Variants in PARD3 observed in about 807,000 individuals in gnomAD.
The protein encoded by PARD3 is par-3 family cell polarity regulator, also known as partitioning defective 3 homolog.
Under a neutral mutation model 155.4 loss-of-function variants are expected in PARD3, and 75 were observed. The ratio of observed to expected loss-of-function variants is 0.48; its 90% CI spans 0.40 to 0.58. The LOEUF (loss-of-function observed/expected upper bound fraction) is 0.58. Ranked by LOEUF, PARD3 falls within the 20% of genes least tolerant of loss-of-function variation. PARD3 has a pLI of 0.00. For missense variants in PARD3, 1,642 were observed against 1,721.7 expected, an observed-to-expected ratio of 0.95 and a Z score of 0.82; for synonymous variants, 576 against 610.5, an observed-to-expected ratio of 0.94 and a Z score of 0.83.
chr10:34,344,151 T>G, intron 15 of PARD3: 1 of 983,352 alleles, frequency 1.0e-6, no homozygotes, highest in Non-Finnish European at 1.2e-6. Context: ...CTAAAAAAGT[T>G]GAGAAATAGT....
intron 2 of PARD3, among the ~76,000 whole-genome samples, chr10:34,648,980 A>G (rs1590399093): frequency 6.6e-6 from 1 of 152,132 alleles, no homozygotes; most frequent in Non-Finnish European, 1.5e-5. Flanking sequence ...ATGGCTGTGG[A>G]GCTACGTCTG....
chr10:34,627,581 G>C (rs148389727), intron 2 of PARD3, among the ~76,000 whole-genome samples: 1 of 152,310 alleles, frequency 6.6e-6, no homozygotes, highest in African/African-American at 2.4e-5. Context: ...GAGAAGGCCA[G>C]GTGAAGGTGC....
chr10:34,265,508 T>A (rs368420192), intron 22 of PARD3, among the ~76,000 whole-genome samples: 1 of 152,206 alleles, frequency 6.6e-6, no homozygotes, highest in Non-Finnish European at 1.5e-5. Context: ...GTCAACTGCC[T>A]GCATTCCCAT....
intron 22 of PARD3, among the ~76,000 whole-genome samples, chr10:34,216,228 G>A (rs182252620): frequency 6.6e-6 from 1 of 152,170 alleles, no homozygotes; most frequent in Admixed American, 6.5e-5. Context: ...GCACAAAATT[G>A]AGCAAGTGGG....
At chr10:34,329,635 C>T (rs1281378801) in intron 19 of PARD3, among the ~76,000 whole-genome samples, 1 of 151,904 alleles carries the variant, frequency 6.6e-6, no homozygotes, top group Non-Finnish European at 1.5e-5. Flanking sequence ...CACCAGGAGG[C>T]TGCAACTGGG....
chr10:34,765,511 C>A (rs1293095656), intron 1 of PARD3, among the ~76,000 whole-genome samples: 1 of 152,064 alleles, frequency 6.6e-6, no homozygotes, highest in Non-Finnish European at 1.5e-5. Context: ...AACCCCGTCT[C>A]TACTAAAAAT....
At chr10:34,672,156 G>A (rs2093621858) in intron 2 of PARD3, among the ~76,000 whole-genome samples, 1 of 152,012 alleles carries the variant, frequency 6.6e-6, no homozygotes, top group African/African-American at 2.4e-5. Context: ...TGACAGAGGA[G>A]GATTCTGTTT....
At chr10:34,285,313 ACTTTGGGAGGCTGAGG>A (rs1025727677) in intron 20 of PARD3, among the ~76,000 whole-genome samples, 8 of 152,174 alleles carry the variant, frequency 5.3e-5, no homozygotes, top group Non-Finnish European at 8.8e-5. Context: ...TAATTCTAGC[ACTTTGGGAGGCTGAGG>A]CTTTGGGAGG....
At chr10:34,414,534 C>G (rs530994634) in intron 5 of PARD3, among the ~76,000 whole-genome samples, 1 of 151,910 alleles carries the variant, frequency 6.6e-6, no homozygotes, top group East Asian at 2.0e-4. Flanking sequence ...TAACAACAAT[C>G]TGGCTGGGCG....
At chr10:34,690,196 A>G (rs1356864503) in intron 2 of PARD3, among the ~76,000 whole-genome samples, 1 of 152,178 alleles carries the variant, frequency 6.6e-6, no homozygotes, top group Non-Finnish European at 1.5e-5. Flanking sequence ...TGCCCACCTC[A>G]GCCTCCCAAA....
chr10:34,624,604 C>T (rs1357723340), intron 2 of PARD3, among the ~76,000 whole-genome samples: 1 of 152,182 alleles, frequency 6.6e-6, no homozygotes, highest in Non-Finnish European at 1.5e-5. Context: ...CCAGAAGCCA[C>T]CAGGAGGAGG....
At chr10:34,225,897 G>A (rs763665509) in intron 22 of PARD3, among the ~76,000 whole-genome samples, 8 of 151,986 alleles carry the variant, frequency 5.3e-5, no homozygotes, top group South Asian at 2.1e-4. Flanking sequence ...TGGATTCATC[G>A]AAATTAAAAA....
At position 34,347,979 on chromosome 10, in the gene PARD3, A is replaced by G. The variant is rs1290282416; in HGVS notation, c.2204T>C (p.Leu735Pro). ...LDESPSRNAA[L>P]SRIMGKYQLS... ...ACCTGACTCACCCATTATCCTACTG[A>G]GGGCAGCATTTCTGCTGGGCGATTC... is the stretch of plus-strand genomic sequence containing the variant. The change falls in exon 15 of 25, where the codon CTC becomes CCC. Residue 735 changes from leucine (L) to proline (P), a missense_variant. This residue lies in a region of PARD3 where 1,529 missense variants were observed against 1,587.3 expected (regional missense o/e 0.96). Coordinates refer to ENST00000374788, the MANE Select transcript of PARD3 (RefSeq NM_001184785.2). 1 of 1,612,496 alleles carries G rather than the reference A, an allele frequency of 6.2e-7. No homozygotes were observed. Among genetic ancestry groups the G allele is most frequent in the Admixed American group, 1.7e-5 (1 of 59,866 alleles).
At chr10:34,259,392 C>CT (rs1016977946) in intron 22 of PARD3, among the ~76,000 whole-genome samples, 5 of 152,228 alleles carry the variant, frequency 3.3e-5, no homozygotes, top group African/African-American at 9.6e-5. Flanking sequence ...TGCTTCCTCG[C>CT]TTTTTTTCCA....
chr10:34,339,219 TAGAATAATTTAAAACTTCA>T (rs1399282012), intron 16 of PARD3, among the ~76,000 whole-genome samples: 1 of 152,196 alleles, frequency 6.6e-6, no homozygotes, highest in Non-Finnish European at 1.5e-5. Context: ...TTACCTCTTC[TAGAATAATTTAAAACTTCA>T]ACTCCCTACT....
At chr10:34,548,975 C>T (rs1181105620) in intron 2 of PARD3, among the ~76,000 whole-genome samples, 1 of 152,204 alleles carries the variant, frequency 6.6e-6, no homozygotes, top group Non-Finnish European at 1.5e-5. Context: ...ACAGTGGCTG[C>T]CCCAGCATTT....
intron 2 of PARD3, among the ~76,000 whole-genome samples, chr10:34,588,677 T>C (rs904551888): frequency 2.0e-5 from 3 of 152,156 alleles, no homozygotes; most frequent in Admixed American, 6.6e-5. Flanking sequence ...TGTCTCACTT[T>C]CTCTTGCTGC....
At chr10:34,301,458 G>T (rs1439342255) in intron 20 of PARD3, among the ~76,000 whole-genome samples, 1 of 151,922 alleles carries the variant, frequency 6.6e-6, no homozygotes, top group Non-Finnish European at 1.5e-5. Flanking sequence ...TCCTTCCTCT[G>T]CCCCATTCCT....
intron 4 of PARD3, among the ~76,000 whole-genome samples, chr10:34,457,174 G>T (rs1024070506): frequency 6.6e-6 from 1 of 152,142 alleles, no homozygotes; most frequent in African/African-American, 2.4e-5. Flanking sequence ...ATCAGGCTAT[G>T]AACATAAAGG....
Sources: allele counts gnomAD v4.1 joint callset (sites outside exome capture counted in the v4.1 genomes callset), GRCh38; gene constraint gnomAD v4.1.1; regional missense constraint gnomAD v4.1.1; transcripts MANE v1.5; gene names NCBI Gene and HGNC (gene_info 2026-07-23, HGNC 2026-07-21).